TAF4B: variants seen among roughly 807,000 people sequenced by gnomAD.
TAF4B encodes the protein TATA-box binding protein associated factor 4b.
Under a neutral mutation model 86.4 loss-of-function variants are expected in TAF4B, and 38 were observed. The ratio of observed to expected loss-of-function variants is 0.44; its 90% CI spans 0.34 to 0.58. The LOEUF (loss-of-function observed/expected upper bound fraction) is 0.58, where lower values mean the gene tolerates loss of function less well. Among genes scored for constraint, TAF4B ranks in the 20% least tolerant of loss-of-function variants. The pLI, the probability that TAF4B is intolerant of heterozygous loss-of-function variation, is 0.02. For missense variants in TAF4B, 988 were observed against 1,027.6 expected (o/e 0.96, Z 0.53); for synonymous variants, 388 against 391.2 (o/e 0.99, Z 0.10).
chr18:26,286,623 T>C lies in TAF4B; in HGVS notation c.1590+124T>C. The stretch of plus-strand genomic sequence containing the variant: ...TGTTTACGGGTTTGACCAATTAATT[T>C]TTTTTTTTTTTTACCTCATTTGCTT... On this transcript the variant is annotated intron_variant, in intron 7 of 14. Transcript: ENST00000269142. The C allele has an allele frequency of 1.2e-5, 10 of 857,630 alleles. No homozygotes were observed. In the African/African-American group the frequency reaches 1.4e-4, roughly 12 times the overall value. 53.1% of individuals were successfully genotyped at this position (857,630 alleles called of 1,614,324 possible).
chr18:26,325,538 G>A (rs1474439650), intron 11 of TAF4B, among the ~76,000 whole-genome samples: 1 of 152,130 alleles, frequency 6.6e-6, no homozygotes, highest in Non-Finnish European at 1.5e-5. Flanking sequence ...GAATGTCAGA[G>A]GTCGTTGTAT....
chr18:26,345,718 C>T (rs773965721), intron 13 of TAF4B, among the ~76,000 whole-genome samples: 2 of 152,128 alleles, frequency 1.3e-5, no homozygotes, highest in African/African-American at 2.4e-5. Context: ...GAAGAGGCGA[C>T]TTTTCTACCA....
At chr18:26,315,148 C>A in intron 9 of TAF4B, 81 bp from the exon 10 acceptor site, 3 of 394,126 alleles carry the variant, frequency 7.6e-6, no homozygotes, top group Non-Finnish European at 1.1e-5. Context: ...CTCTCTCTGT[C>A]TCTCTCTCTC....
chr18:26,347,058 C>T (rs1303568073), intron 13 of TAF4B, among the ~76,000 whole-genome samples: 1 of 148,856 alleles, frequency 6.7e-6, no homozygotes, highest in African/African-American at 2.5e-5. Flanking sequence ...GTAGCTGGGA[C>T]TACAGGTGCC....
At chr18:26,313,887 C>T (rs1235270658) in intron 9 of TAF4B, among the ~76,000 whole-genome samples, 1 of 151,988 alleles carries the variant, frequency 6.6e-6, no homozygotes, top group South Asian at 2.1e-4. Context: ...AGGCTGATCT[C>T]GAACTCCTCA....
chr18:26,275,258 T>C (rs2056370757), intron 5 of TAF4B, among the ~76,000 whole-genome samples: 1 of 152,278 alleles, frequency 6.6e-6, no homozygotes, highest in Admixed American at 6.5e-5. Flanking sequence ...TGGGTTCAAA[T>C]GATTCTCCTG....
chr18:26,378,263 G>A (rs532381012), intron 14 of TAF4B, among the ~76,000 whole-genome samples: 69 of 152,240 alleles, frequency 4.5e-4, no homozygotes, highest in Non-Finnish European at 9.6e-4. Context: ...TATCCCCATT[G>A]AGAAACACTG....
At chr18:26,230,231 T>C (rs2055644630) in intron 1 of TAF4B, among the ~76,000 whole-genome samples, 1 of 152,222 alleles carries the variant, frequency 6.6e-6, no homozygotes, top group South Asian at 2.1e-4. Context: ...GGTCATAAAC[T>C]GGGATAAATT....
intron 14 of TAF4B, among the ~76,000 whole-genome samples, chr18:26,382,357 T>C (rs1978294577): frequency 1.3e-5 from 2 of 152,206 alleles, no homozygotes; most frequent in Non-Finnish European, 2.9e-5. Flanking sequence ...TAGGAAATAA[T>C]CAATTTACTG....
At chr18:26,235,821 A>G (rs1370836478) in intron 1 of TAF4B, among the ~76,000 whole-genome samples, 2 of 152,196 alleles carry the variant, frequency 1.3e-5, no homozygotes, top group East Asian at 3.8e-4. Flanking sequence ...ACAACTGGAT[A>G]TAGAGGAATT....
At chr18:26,231,034 C>CTTTTTTTTTTTTTTTT (rs536863843) in intron 1 of TAF4B, among the ~76,000 whole-genome samples, 9 of 66,162 alleles carry the variant, frequency 1.4e-4, no homozygotes, top group Admixed American at 2.0e-4. Flanking sequence ...TGTTGTTTTG[C>CTTTTTTTTTTTTTTTT]TTTTTTTTTT....
intron 9 of TAF4B, among the ~76,000 whole-genome samples, chr18:26,300,505 A>G (rs1293961688): frequency 6.9e-6 from 1 of 144,072 alleles, no homozygotes; most frequent in African/African-American, 2.5e-5. Context: ...ATGTCAAGAT[A>G]GTTTCCTTTC....
intron 12 of TAF4B, among the ~76,000 whole-genome samples, chr18:26,329,657 GA>G (rs770180449): frequency 6.6e-6 from 1 of 152,196 alleles, no homozygotes; most frequent in Non-Finnish European, 1.5e-5. Flanking sequence ...GGGCTCATCT[GA>G]TCTTTCCTTA....
At chr18:26,277,103 A>G (rs1046978201) in intron 5 of TAF4B, among the ~76,000 whole-genome samples, 1 of 151,156 alleles carries the variant, frequency 6.6e-6, no homozygotes, top group African/African-American at 2.4e-5. Context: ...TTTTTTTGAG[A>G]TAGGGTCTTA....
At position 26,286,519 on chromosome 18, in the gene TAF4B, T is replaced by C; in HGVS notation, c.1590+20T>C. The stretch of plus-strand genomic sequence containing the variant: ...CAACTAGTGAGTAACATTTTGTTTC[T>C]TCCCCAGTTACTTATTTTGAAAATT... On this transcript the variant is annotated intron_variant, in intron 7 of 14. Coordinates refer to ENST00000269142, the MANE Select transcript of TAF4B (RefSeq NM_005640.3). 6.4e-7 allele frequency: 1 copy of C among 1,562,804 alleles called. No individual in the cohort carries two copies. The highest frequency in any genetic ancestry group is 8.6e-7 in the Non-Finnish European group (1 of 1,161,858).
intron 6 of TAF4B, among the ~76,000 whole-genome samples, chr18:26,285,658 A>G (rs1313420971): frequency 2.0e-5 from 3 of 152,240 alleles, no homozygotes; most frequent in Admixed American, 2.0e-4. Flanking sequence ...TAAGTTTAAT[A>G]CTGAGATATA....
chr18:26,246,281 A>G (rs2047019594), intron 1 of TAF4B, among the ~76,000 whole-genome samples: 1 of 152,208 alleles, frequency 6.6e-6, no homozygotes, highest in African/African-American at 2.4e-5. Flanking sequence ...TATGTCTAAG[A>G]AGGCTCTTGT....
chr18:26,245,903 T>G (rs1459402409), intron 1 of TAF4B, among the ~76,000 whole-genome samples: 1 of 152,232 alleles, frequency 6.6e-6, no homozygotes, highest in African/African-American at 2.4e-5. Flanking sequence ...GTTGATACTG[T>G]TTGCACTACT....
chr18:26,228,502 T>C (rs995840173), intron 1 of TAF4B, among the ~76,000 whole-genome samples: 13 of 152,126 alleles, frequency 8.5e-5, no homozygotes, highest in African/African-American at 2.9e-4. Flanking sequence ...TAAATTGTTA[T>C]TCTGAGTTGT....
Sources: allele counts gnomAD v4.1 joint callset (sites outside exome capture counted in the v4.1 genomes callset), GRCh38; gene constraint gnomAD v4.1.1; transcripts MANE v1.5; gene names NCBI Gene and HGNC (gene_info 2026-07-23, HGNC 2026-07-21).